Variants in CARMIL1 observed in about 807,000 individuals in gnomAD.
The protein encoded by CARMIL1 is capping protein regulator and myosin 1 linker 1.
CARMIL1 carries 90 observed loss-of-function variants against 177.1 expected under a neutral mutation model. The ratio of observed to expected loss-of-function variants is 0.51; its 90% CI spans 0.43 to 0.61. The LOEUF (loss-of-function observed/expected upper bound fraction) is 0.61, where lower values mean the gene tolerates loss of function less well. CARMIL1 is among the 20% of genes least tolerant of loss of function. The pLI, the probability that CARMIL1 is intolerant of heterozygous loss-of-function variation, is 0.00. For synonymous variants in CARMIL1, 577 were observed against 606.2 expected (o/e 0.95, Z 0.71); for missense variants, 1,380 against 1,667.0 (o/e 0.83, Z 3.00).
At position 25,606,268 on chromosome 6, in the gene CARMIL1, G is replaced by A. The variant is rs368226428; in HGVS notation, c.3842G>A (p.Arg1281Gln). The change falls in exon 35 of 37, where the codon CGG (arginine) becomes CAG (glutamine). Residue 1281 changes from arginine to glutamine, a missense_variant. Coordinates refer to ENST00000329474, the MANE Select transcript of CARMIL1 (RefSeq NM_017640.6). ...VIPQKPRTAS[R>Q]PDDIPDSPSS... The stretch of plus-strand genomic sequence containing the variant: ...CCGCAGAAACCAAGAACCGCCTCAC[G>A]GCCTGGTAAGAGTTTTGCAGTTAGG... The A allele has an allele frequency of 1.2e-4, 194 of 1,612,800 alleles. No homozygotes were observed. Among genetic ancestry groups the A allele is most frequent in the Non-Finnish European group, 1.4e-4 (168 of 1,179,568 alleles).
chr6:25,603,713 A>C (rs947599776), intron 33 of CARMIL1, among the ~76,000 whole-genome samples: 5 of 152,208 alleles, frequency 3.3e-5, no homozygotes, highest in African/African-American at 1.2e-4. Context: ...TTAGACAGGC[A>C]GTAGATGTAG....
intron 2 of CARMIL1, among the ~76,000 whole-genome samples, chr6:25,310,859 G>GT (rs1341072559): frequency 5.9e-5 from 9 of 151,962 alleles, no homozygotes; most frequent in South Asian, 2.1e-4. Context: ...GTGTGATTTT[G>GT]TTTTTTTTGT....
chr6:25,611,964 G>A (rs1012885185), intron 36 of CARMIL1, among the ~76,000 whole-genome samples: 24 of 152,152 alleles, frequency 1.6e-4, no homozygotes, highest in African/African-American at 5.6e-4. Flanking sequence ...GAGCTTTAGG[G>A]GTATATGTTT....
intron 24 of CARMIL1, among the ~76,000 whole-genome samples, chr6:25,532,051 G>A (rs1359312978): frequency 6.6e-6 from 1 of 151,138 alleles, no homozygotes; most frequent in African/African-American, 2.4e-5. Context: ...GATTATAGGT[G>A]TGAGCTACCA....
chr6:25,495,083 G>A (rs774576207), intron 15 of CARMIL1, 28 bp from the exon 16 acceptor site: 25 of 1,333,164 alleles, frequency 1.9e-5, no homozygotes, highest in African/African-American at 5.8e-5. Context: ...AGGTGTAACC[G>A]CTTGTGTAAC....
intron 23 of CARMIL1, among the ~76,000 whole-genome samples, chr6:25,521,315 A>T (rs1806527357): frequency 6.6e-6 from 1 of 152,212 alleles, no homozygotes; most frequent in African/African-American, 2.4e-5. Context: ...TGCAGTGGGT[A>T]AACATGTAAC....
chr6:25,383,863 G>A (rs1456783804), intron 2 of CARMIL1, among the ~76,000 whole-genome samples: 3 of 151,982 alleles, frequency 2.0e-5, no homozygotes, highest in African/African-American at 7.2e-5. Flanking sequence ...TTTTGAGGTG[G>A]AGTCTCGCTC....
chr6:25,495,346 G>T (rs1803599443), intron 16 of CARMIL1, 131 bp downstream of exon 16: 4 of 546,252 alleles, frequency 7.3e-6, no homozygotes, highest in Admixed American at 7.6e-5. Flanking sequence ...TTTACTCTGG[G>T]GCAGAAAAAT....
chr6:25,599,520 C>T (rs2151304267), intron 32 of CARMIL1, among the ~76,000 whole-genome samples: 2 of 152,298 alleles, frequency 1.3e-5, no homozygotes, highest in Admixed American at 1.3e-4. Flanking sequence ...ATTTCATTGA[C>T]TCCTTCTCCC....
intron 31 of CARMIL1, among the ~76,000 whole-genome samples, chr6:25,584,566 A>G (rs991188469): frequency 3.3e-5 from 5 of 151,868 alleles, no homozygotes; most frequent in Admixed American, 3.3e-4. Context: ...AGAAATGCAG[A>G]CTCAAAGAAA....
At position 25,279,983 on chromosome 6, in the gene CARMIL1, CG is replaced by C. The variant is rs576668072; in HGVS notation, c.40+151del. 1.7e-4 allele frequency: 164 copies of C among 948,538 alleles called. No individual in the cohort carries two copies. In the African/African-American group the frequency reaches 2.5e-3, roughly 14 times the overall value. 58.8% of individuals were successfully genotyped at this position (948,538 alleles called of 1,614,324 possible). A position where few individuals can be genotyped will look rare whatever the true frequency, so the allele number is the denominator to read the frequency against. On this transcript the variant is annotated intron_variant, in intron 1 of 36. Coordinates refer to ENST00000329474, the MANE Select transcript of CARMIL1 (RefSeq NM_017640.6). ...TGTTGGGCAGGGTCACTGGGGGTGC[CG>C]GGAAGTTTGTTCCCATCCGACCGCC...
chr6:25,414,710 T>G (rs1030692870), intron 2 of CARMIL1, among the ~76,000 whole-genome samples: 1 of 152,220 alleles, frequency 6.6e-6, no homozygotes, highest in Non-Finnish European at 1.5e-5. Context: ...TGCCCTGTTG[T>G]ACCCACAAGT....
intron 2 of CARMIL1, among the ~76,000 whole-genome samples, chr6:25,406,266 A>T (rs1350322452): frequency 1.3e-5 from 2 of 152,162 alleles, no homozygotes; most frequent in East Asian, 3.9e-4. Flanking sequence ...GAGCCAGGTG[A>T]AGGTAAAGCA....
At chr6:25,507,038 A>G (rs544095100) in intron 17 of CARMIL1, among the ~76,000 whole-genome samples, 3 of 152,266 alleles carry the variant, frequency 2.0e-5, no homozygotes, top group Admixed American at 6.5e-5. Flanking sequence ...TAACCGTTTA[A>G]AAAGTGTTCA....
intron 12 of CARMIL1, among the ~76,000 whole-genome samples, chr6:25,487,025 A>G (rs1802729321): frequency 1.3e-5 from 2 of 152,210 alleles, no homozygotes; most frequent in African/African-American, 4.8e-5. Flanking sequence ...TTGACAGCCA[A>G]GAAGTTTTTT....
chr6:25,460,585 T>TA (rs1800037526), intron 8 of CARMIL1, among the ~76,000 whole-genome samples: 1 of 152,192 alleles, frequency 6.6e-6, no homozygotes, highest in South Asian at 2.1e-4. Flanking sequence ...CACTTGGTCT[T>TA]ACACTGTAAG....
chr6:25,393,950 G>A (rs922081453), intron 2 of CARMIL1, among the ~76,000 whole-genome samples: 14 of 152,212 alleles, frequency 9.2e-5, no homozygotes, highest in African/African-American at 3.1e-4. Context: ...GATCTTCCAC[G>A]CTAAGTTCCC....
At chr6:25,305,943 A>G (rs976725969) in intron 2 of CARMIL1, among the ~76,000 whole-genome samples, 14 of 152,186 alleles carry the variant, frequency 9.2e-5, no homozygotes, top group African/African-American at 3.1e-4. Flanking sequence ...TTAAGTATAC[A>G]TAACATAAAA....
At chr6:25,390,316 ATATATTT>A (rs1458897542) in intron 2 of CARMIL1, among the ~76,000 whole-genome samples, 604 of 41,954 alleles carry the variant, frequency 0.014, 6 homozygotes, top group African/African-American at 0.054. Flanking sequence ...ATATATATAT[ATATATTT>A]TTTTTTTTTT....
Sources: allele counts gnomAD v4.1 joint callset (sites outside exome capture counted in the v4.1 genomes callset), GRCh38; gene constraint gnomAD v4.1.1; transcripts MANE v1.5; gene names NCBI Gene and HGNC (gene_info 2026-07-23, HGNC 2026-07-21).